The following COL5A1 variants were observed in gnomAD, a reference collection of about 807,000 sequenced individuals.
COL5A1 encodes the protein collagen alpha-1(V) chain.
A neutral mutation model predicts 263.7 loss-of-function variants in COL5A1; 16 were observed. The ratio of observed to expected loss-of-function variants is 0.06; its 90% confidence interval spans 0.04 to 0.09. The LOEUF is 0.09. Ranked by LOEUF, COL5A1 falls within the 10% of genes least tolerant of loss-of-function variation. The pLI, the probability that COL5A1 is intolerant of heterozygous loss-of-function variation, is 1.00. For synonymous variants in COL5A1, 1,012 were observed against 1,004.5 expected (o/e 1.01, Z -0.14); for missense variants, 2,036 against 2,540.5 (o/e 0.80, Z 4.27).
intron 25 of COL5A1, among the ~76,000 whole-genome samples, chr9:134,770,613 C>T (rs775831400): frequency 2.6e-5 from 4 of 152,264 alleles, no homozygotes; most frequent in African/African-American, 4.8e-5. Context: ...CAATTAGCCA[C>T]AGCCACTCCG....
intron 9 of COL5A1, among the ~76,000 whole-genome samples, chr9:134,736,038 C>A (rs1335931887): frequency 2.0e-5 from 3 of 151,740 alleles, no homozygotes; most frequent in African/African-American, 7.3e-5. Context: ...TGGCACCTAG[C>A]ACCTCTGGTG....
At chr9:134,829,893 G>T (rs1027219928) in intron 63 of COL5A1, 83 bp from the exon 64 acceptor site, 23 of 1,474,464 alleles carry the variant, frequency 1.6e-5, no homozygotes, top group Non-Finnish European at 2.0e-5. Context: ...GGCCGGGAAA[G>T]CCTGGGGCCT....
chr9:134,661,195 T>C (rs1234799778), intron 1 of COL5A1, among the ~76,000 whole-genome samples: 1 of 151,376 alleles, frequency 6.6e-6, no homozygotes, highest in African/African-American at 2.4e-5. Context: ...TCGGGGACAC[T>C]ATTCTCGGTG....
chr9:134,673,090 C>T (rs150746049), intron 1 of COL5A1, among the ~76,000 whole-genome samples: 18 of 152,246 alleles, frequency 1.2e-4, no homozygotes, highest in African/African-American at 3.6e-4. Flanking sequence ...TATTCCACCT[C>T]GACTTGATCT....
Position 134,821,998 on chromosome 9 carries a change from G to A in COL5A1, c.4555-99G>A. 11 of 1,038,106 alleles carry A rather than the reference G, an allele frequency of 1.1e-5. No individual in the cohort carries two copies. The South Asian group carries it at 1.3e-4, about 12-fold the overall frequency. The allele number at this position is 1,038,106 out of a possible 1,614,324, so 64.3% of individuals were successfully genotyped here. ...GGCCAAAGGGCATACCGTGGGGAAG[G>A]GACAGGGGAGCCGAGGGGTGTGGCT... On this transcript the variant is annotated intron_variant, in intron 58 of 65. Coordinates refer to ENST00000371817, the MANE Select transcript of COL5A1 (RefSeq NM_000093.5). The surrounding 1 kb of genome is among the most constrained non-coding windows in gnomAD (Gnocchi z 4.2).
intron 4 of COL5A1, 116 bp downstream of exon 4, chr9:134,701,449 G>A (rs1461822347): frequency 9.9e-7 from 1 of 1,013,058 alleles, no homozygotes; most frequent in Non-Finnish European, 1.5e-6. Context: ...GTCCACTGTG[G>A]TCACCGTCTC....
At chr9:134,826,576 C>CTT (rs1839271545) in intron 63 of COL5A1, among the ~76,000 whole-genome samples, 1 of 63,184 alleles carries the variant, frequency 1.6e-5, no homozygotes, top group African/African-American at 7.2e-5. Flanking sequence ...TGTGTAGATG[C>CTT]TGTGTGGTTT....
Position 134,822,832 on chromosome 9 carries a change from C to A in COL5A1, c.4609-166C>A, listed in dbSNP as rs1357408106. Reference sequence around the variant, plus strand: ...CACGAGGGGTGAGCACCAGCCAGGCCCCGACCCTCCTCCCACTCTAGCCGG... The same window carrying A: ...CACGAGGGGTGAGCACCAGCCAGGCACCGACCCTCCTCCCACTCTAGCCGG... On this transcript the variant is annotated intron_variant, in intron 59 of 65. Coordinates refer to ENST00000371817, the MANE Select transcript of COL5A1 (RefSeq NM_000093.5). 6 of 824,906 alleles carry A rather than the reference C, an allele frequency of 7.3e-6. No individual in the cohort carries two copies. In the Admixed American group the frequency reaches 1.2e-4, roughly 17 times the overall value. The allele number at this position is 824,906 out of a possible 1,614,324, so 51.1% of individuals were successfully genotyped here.
Position 134,756,823 on chromosome 9 carries a change from G to A in COL5A1, c.1881+5G>A. The A allele has an allele frequency of 1.2e-6, 2 of 1,613,930 alleles. No homozygotes were observed. Among genetic ancestry groups the A allele is most frequent in the African/African-American group, 1.3e-5 (1 of 75,040 alleles). On this transcript the variant is annotated splice_donor_5th_base_variant and intron_variant, in intron 17 of 65. Coordinates refer to ENST00000371817, the MANE Select transcript of COL5A1 (RefSeq NM_000093.5). ...CCTGGACAAACTGGCCCCAAGGTAGGTCACCCACCACCCTCCTGGTGCCCT... is the reference window on the plus strand; with the variant it reads ...CCTGGACAAACTGGCCCCAAGGTAGATCACCCACCACCCTCCTGGTGCCCT...
At chr9:134,839,546 G>A (rs929852755) in intron 65 of COL5A1, among the ~76,000 whole-genome samples, 3 of 152,184 alleles carry the variant, frequency 2.0e-5, no homozygotes, top group Admixed American at 1.3e-4. Context: ...GAGAAAGGCC[G>A]GGCAGCGCCC....
intron 49 of COL5A1, 133 bp downstream of exon 49, chr9:134,814,169 C>T (rs1031140072): frequency 1.1e-6 from 1 of 882,872 alleles, no homozygotes; most frequent in Non-Finnish European, 1.8e-6. Context: ...CTCTTGTGCC[C>T]ATTTCATGGA....
chr9:134,654,924 G>C (rs1326830783), intron 1 of COL5A1, among the ~76,000 whole-genome samples: 2 of 122,596 alleles, frequency 1.6e-5, no homozygotes, highest in Admixed American at 7.9e-5. Context: ...TGTAGGGCTG[G>C]GGGTGTGTAG....
chr9:134,656,063 C>A (rs1375230718), intron 1 of COL5A1, among the ~76,000 whole-genome samples: 2 of 152,114 alleles, frequency 1.3e-5, no homozygotes, highest in African/African-American at 4.8e-5. Context: ...CAGGGCTCAC[C>A]ACCGGATGCC....
chr9:134,783,695 C>T (rs1046985888), intron 29 of COL5A1, among the ~76,000 whole-genome samples: 1 of 152,168 alleles, frequency 6.6e-6, no homozygotes, highest in Non-Finnish European at 1.5e-5. Flanking sequence ...ACACACTTGG[C>T]ACTTCGTCCC....
At chr9:134,797,773 G>A (rs889639382) in intron 36 of COL5A1, among the ~76,000 whole-genome samples, 6 of 152,152 alleles carry the variant, frequency 3.9e-5, no homozygotes, top group Non-Finnish European at 8.8e-5. Context: ...ACCGTGCCCG[G>A]AGCCCCCACG....
chr9:134,834,181 T>C (rs756022845), intron 64 of COL5A1, among the ~76,000 whole-genome samples: 19 of 152,166 alleles, frequency 1.2e-4, no homozygotes, highest in Non-Finnish European at 1.9e-4. Context: ...TGCCCCTCTC[T>C]GGCCCTGCAC....
intron 9 of COL5A1, among the ~76,000 whole-genome samples, chr9:134,736,349 A>G (rs1251726084): frequency 6.6e-6 from 1 of 152,252 alleles, no homozygotes; most frequent in Non-Finnish European, 1.5e-5. Context: ...CTGTGTCCTC[A>G]CATAGCGGAA....
chr9:134,690,596 C>A (rs1030827104), intron 1 of COL5A1, among the ~76,000 whole-genome samples: 1 of 152,116 alleles, frequency 6.6e-6, no homozygotes, highest in Non-Finnish European at 1.5e-5. Flanking sequence ...GGAAGGAGGG[C>A]GTCGTCAGAG....
intron 29 of COL5A1, 149 bp from the exon 30 acceptor site, chr9:134,784,840 C>G: frequency 1.5e-6 from 1 of 672,432 alleles, no homozygotes; most frequent in Non-Finnish European, 2.7e-6. Context: ...GGGAGCAGCT[C>G]CGTGGTCTGA....
Sources: allele counts gnomAD v4.1 joint callset (sites outside exome capture counted in the v4.1 genomes callset), GRCh38; gene constraint gnomAD v4.1.1; non-coding constraint Gnocchi (gnomAD v3.1); transcripts MANE v1.5; gene names NCBI Gene and HGNC (gene_info 2026-07-23, HGNC 2026-07-21).